The following FOCAD variants were observed in gnomAD, a reference collection of about 807,000 sequenced individuals.
The protein encoded by FOCAD is KIAA1797.
Under a neutral mutation model 225.6 loss-of-function variants are expected in FOCAD, and 198 were observed. The observed-to-expected ratio is 0.88, with a 90% confidence interval of 0.78 to 0.99. FOCAD has a LOEUF of 0.99. FOCAD is among the 50% of genes least tolerant of loss of function. FOCAD has a pLI of 0.00. For synonymous variants in FOCAD, 897 were observed against 755.0 expected, an observed-to-expected ratio of 1.19 and a Z score of -3.08; for missense variants, 2,713 against 2,123.6, an observed-to-expected ratio of 1.28 and a Z score of -5.46.
chr9:20,951,608 A>G (rs1837695381), intron 34 of FOCAD, among the ~76,000 whole-genome samples: 1 of 152,204 alleles, frequency 6.6e-6, no homozygotes, highest in Non-Finnish European at 1.5e-5. Flanking sequence ...TTTTGAAAAA[A>G]TAATGGGGTA....
chr9:20,895,047 T>C (rs1831959052), intron 21 of FOCAD, among the ~76,000 whole-genome samples: 1 of 152,052 alleles, frequency 6.6e-6, no homozygotes, highest in Non-Finnish European at 1.5e-5. Flanking sequence ...TGCATCAAGA[T>C]ATCTGGTTGT....
chr9:20,766,623 C>G (rs1392585504), intron 7 of FOCAD, among the ~76,000 whole-genome samples: 2 of 151,854 alleles, frequency 1.3e-5, no homozygotes, highest in African/African-American at 2.4e-5. Flanking sequence ...TCCCTTCTTT[C>G]CTTCCCGTTT....
In FOCAD at chr9:20,721,439, C is replaced by T. The variant is rs139848458; in HGVS notation, c.287+905C>T. ...GAAAGATGCTGGATGCAGTGGGTCA[C>T]GCCTGTAATCCTAGCACTTTGGGAG... is the stretch of plus-strand genomic sequence containing the variant. On this transcript the variant is annotated intron_variant, in intron 4 of 43. Transcript: ENST00000338382. 4.6e-3 allele frequency among the ~76,000 whole-genome samples: 702 copies of T among 152,136 alleles called. 4 individuals are homozygous for T. The highest frequency in any genetic ancestry group is 0.015 in the African/African-American group (636 of 41,490).
At chr9:20,818,655 C>T (rs1393720811) in intron 11 of FOCAD, among the ~76,000 whole-genome samples, 1 of 151,824 alleles carries the variant, frequency 6.6e-6, no homozygotes, top group East Asian at 1.9e-4. Flanking sequence ...TTCTGGGGAT[C>T]CTTGTCAAAA....
intron 2 of FOCAD, among the ~76,000 whole-genome samples, chr9:20,667,267 T>C (rs1821924967): frequency 6.6e-6 from 1 of 152,216 alleles, no homozygotes; most frequent in Non-Finnish European, 1.5e-5. Context: ...CAAAATACTC[T>C]GATAAGTAAT....
At chr9:20,792,622 T>G (rs888418882) in intron 11 of FOCAD, among the ~76,000 whole-genome samples, 1 of 152,220 alleles carries the variant, frequency 6.6e-6, no homozygotes, top group African/African-American at 2.4e-5. Context: ...CACTGAGGTA[T>G]TTTATTTTCT....
At chr9:20,779,000 C>G (rs189721244) in intron 9 of FOCAD, among the ~76,000 whole-genome samples, 12 of 151,958 alleles carry the variant, frequency 7.9e-5, no homozygotes, top group South Asian at 2.1e-4. Flanking sequence ...ATAATCTAAC[C>G]TTATATGGCA....
intron 4 of FOCAD, among the ~76,000 whole-genome samples, chr9:20,735,285 A>G (rs1556477): frequency 0.39 from 59,504 of 151,968 alleles, 11,811 homozygotes; most frequent in East Asian, 0.52. Flanking sequence ...TGCTGAAACT[A>G]TCTGGAATTT....
chr9:20,983,028 A>G (rs777675935), intron 39 of FOCAD, among the ~76,000 whole-genome samples: 18 of 152,222 alleles, frequency 1.2e-4, no homozygotes, highest in African/African-American at 4.3e-4. Flanking sequence ...CGTGTCATTT[A>G]TTTTACTTTA....
chr9:20,728,543 G>A (rs1321841217), intron 4 of FOCAD, among the ~76,000 whole-genome samples: 1 of 152,168 alleles, frequency 6.6e-6, no homozygotes, highest in Non-Finnish European at 1.5e-5. Flanking sequence ...GTTGATTAGG[G>A]ATACTTAGTC....
At position 20,779,395 on chromosome 9, in the gene FOCAD, C is replaced by G. The variant is rs563031182; in HGVS notation, c.994+627C>G. Among the ~76,000 whole-genome samples, 11 of 152,276 alleles carry G rather than the reference C, an allele frequency of 7.2e-5. No individual in the cohort carries two copies. The East Asian group carries it at 2.1e-3, about 29-fold the overall frequency. ...AATAATCCACATAACAATGAGAGCTCTAAATTATGTTGTATAGTGCCATGA... is the reference window on the plus strand; with the variant it reads ...AATAATCCACATAACAATGAGAGCTGTAAATTATGTTGTATAGTGCCATGA... On this transcript the variant is annotated intron_variant, in intron 9 of 43. Transcript: ENST00000338382.
At chr9:20,664,670 G>C (rs1225982621) in intron 2 of FOCAD, among the ~76,000 whole-genome samples, 4 of 145,488 alleles carry the variant, frequency 2.7e-5, no homozygotes, top group African/African-American at 1.0e-4. Context: ...ATGGAGATGA[G>C]GTCTCGCTTT....
At chr9:20,887,406 T>C (rs1033047028) in intron 21 of FOCAD, among the ~76,000 whole-genome samples, 1 of 152,036 alleles carries the variant, frequency 6.6e-6, no homozygotes, top group African/African-American at 2.4e-5. Flanking sequence ...AGCTAATTTT[T>C]GTATTTTTAG....
At chr9:20,790,589 T>A (rs1820421494) in intron 11 of FOCAD, among the ~76,000 whole-genome samples, 1 of 152,164 alleles carries the variant, frequency 6.6e-6, no homozygotes. Flanking sequence ...CTGGCCAACA[T>A]GGCGAAACCT....
Position 20,986,465 on chromosome 9 carries a change from G to A in FOCAD, c.4906G>A (p.Gly1636Ser), listed in dbSNP as rs1306894109. 1 of 1,604,686 alleles carries A rather than the reference G, an allele frequency of 6.2e-7. No homozygotes were observed. The highest frequency in any genetic ancestry group is 2.2e-5 in the East Asian group (1 of 44,460). ...ACGGATTGTGAGCCATGCCAATACG[G>A]GTGAGGACACCCTGGGGTGAACATC... The part of the protein sequence containing the change: ...QARIVSHANT[G>S]VLKRMEWLLE... The change falls in exon 40 of 44, where the codon GGC becomes AGC. Residue 1636 changes from glycine (G) to serine (S), a missense_variant and splice_region_variant. Physicochemically the swap from Gly to Ser is moderately conservative, Grantham distance 56 (BLOSUM62 0). Coordinates refer to ENST00000338382, the MANE Select transcript of FOCAD (RefSeq NM_001375567.1).
intron 1 of FOCAD, among the ~76,000 whole-genome samples, chr9:20,705,934 T>G (rs1219165291): frequency 2.8e-5 from 4 of 141,634 alleles, no homozygotes; most frequent in African/African-American, 1.1e-4. Context: ...GTTTTTTTTT[T>G]TTTTTTTTTT....
At position 20,953,039 on chromosome 9, in the gene FOCAD, G is replaced by A. The variant is rs535565536; in HGVS notation, c.4106G>A (p.Gly1369Asp). The A allele has an allele frequency of 1.9e-6, 3 of 1,613,356 alleles. No homozygotes were observed. Among genetic ancestry groups the A allele is most frequent in the Middle Eastern group, 1.6e-4 (1 of 6,062 alleles). Residue 1369 changes from glycine (G) to aspartate (D), a missense_variant, in exon 35 of 44, where the codon GGC (glycine) becomes GAC (aspartate). Gly to Asp is a moderately conservative substitution (Grantham distance 94). Transcript: ENST00000338382. The stretch of plus-strand genomic sequence containing the variant: ...AGCAGTTTTATTGGAGCAGCTATTG[G>A]CTTCTTCATTACAGGAGGAAAAAAA... ...PESSFIGAAI[G>D]FFITGGKKGP...
intron 26 of FOCAD, among the ~76,000 whole-genome samples, chr9:20,927,197 C>A (rs976830699): frequency 6.6e-6 from 1 of 151,976 alleles, no homozygotes; most frequent in Non-Finnish European, 1.5e-5. Flanking sequence ...TGTGGGGACT[C>A]CAAGTTTCTA....
At chr9:20,834,800 C>A (rs1283930366) in intron 15 of FOCAD, among the ~76,000 whole-genome samples, 1 of 152,010 alleles carries the variant, frequency 6.6e-6, no homozygotes, top group Non-Finnish European at 1.5e-5. Context: ...CTGTTAGCCA[C>A]ATATGGCTAG....
Sources: gnomAD v4.1 joint callset for allele counts (sites outside exome capture counted in the v4.1 genomes callset) on GRCh38, gnomAD v4.1.1 for gene constraint, MANE v1.5 for transcripts, NCBI Gene and HGNC (gene_info 2026-07-23, HGNC 2026-07-21) for gene names.